The following IKZF3 variants were observed in gnomAD, a reference collection of about 807,000 sequenced individuals.
IKZF3 encodes the protein IKAROS family zinc finger 3.
Under a neutral mutation model 49.0 loss-of-function variants are expected in IKZF3, and 10 were observed. The ratio of observed to expected loss-of-function variants is 0.20; its 90% CI spans 0.13 to 0.35. IKZF3 has a LOEUF of 0.35. IKZF3 is among the 10% of genes least tolerant of loss of function. The probability of loss-of-function intolerance (pLI) is 1.00; values close to 1 mark genes in which losing one functional copy is unlikely to be tolerated. For synonymous variants in IKZF3, 209 were observed against 228.2 expected (o/e 0.92, Z 0.76); for missense variants, 498 against 664.8 (o/e 0.75, Z 2.76).
intron 7 of IKZF3, among the ~76,000 whole-genome samples, chr17:39,775,441 A>C (rs1244685109): frequency 6.6e-6 from 1 of 152,232 alleles, no homozygotes; most frequent in Non-Finnish European, 1.5e-5. Context: ...CCGAGGCAAC[A>C]GGCAAAATGG....
chr17:39,782,948 G>A (rs2060781435), intron 6 of IKZF3, among the ~76,000 whole-genome samples: 1 of 152,188 alleles, frequency 6.6e-6, no homozygotes, highest in African/African-American at 2.4e-5. Context: ...CACATTTACA[G>A]ATTAGGTTAC....
intron 1 of IKZF3, among the ~76,000 whole-genome samples, chr17:39,850,483 T>C (rs2062792262): frequency 7.9e-6 from 1 of 127,286 alleles, no homozygotes; most frequent in Admixed American, 8.9e-5. Context: ...ATATAATATA[T>C]AGCATATTAT....
intron 3 of IKZF3, among the ~76,000 whole-genome samples, chr17:39,828,241 T>A (rs946307583): frequency 3.3e-5 from 5 of 152,168 alleles, no homozygotes; most frequent in Non-Finnish European, 7.4e-5. Flanking sequence ...TCTGGCAAAA[T>A]TGGGGTTAAC....
chr17:39,863,015 C>T (rs2144616035), intron 1 of IKZF3, among the ~76,000 whole-genome samples: 1 of 152,098 alleles, frequency 6.6e-6, no homozygotes, highest in Non-Finnish European at 1.5e-5. Flanking sequence ...TTCATAAAAA[C>T]AAATTAATCA....
chr17:39,834,172 C>T (rs1327907658), intron 1 of IKZF3, among the ~76,000 whole-genome samples: 2 of 152,252 alleles, frequency 1.3e-5, no homozygotes, highest in South Asian at 4.1e-4. Context: ...TTTCTGTGGT[C>T]ATATGCTTTC....
intron 3 of IKZF3, among the ~76,000 whole-genome samples, chr17:39,800,692 A>G (rs1345225881): frequency 6.6e-6 from 1 of 152,206 alleles, no homozygotes; most frequent in Non-Finnish European, 1.5e-5. Flanking sequence ...TAGGCTGAAG[A>G]GAACAAAGGT....
intron 3 of IKZF3, among the ~76,000 whole-genome samples, chr17:39,826,472 C>T (rs1377671650): frequency 6.6e-6 from 1 of 152,202 alleles, no homozygotes; most frequent in Non-Finnish European, 1.5e-5. Flanking sequence ...GATGGAAGAA[C>T]TGAACAGTGA....
chr17:39,790,556 C>G (rs1201859975), intron 5 of IKZF3, among the ~76,000 whole-genome samples: 4 of 151,936 alleles, frequency 2.6e-5, no homozygotes, highest in African/African-American at 9.7e-5. Flanking sequence ...TAAAAACAAG[C>G]CTTTTTTTCC....
chr17:39,796,133 C>T (rs941023877), intron 3 of IKZF3, among the ~76,000 whole-genome samples: 1 of 152,148 alleles, frequency 6.6e-6, no homozygotes, highest in Non-Finnish European at 1.5e-5. Context: ...CCTCCAAACA[C>T]AGTCCACCAA....
Position 39,762,054 on chromosome 17 carries a change from G to C in IKZF3, c.*3736C>G, listed in dbSNP as rs953741956. The stretch of plus-strand genomic sequence containing the variant: ...CAGACCGTGGCCTCCTGGGTGTATG[G>C]TGGAAAGCCCGCCTGATAAGAGGCT... On this transcript the variant is annotated 3_prime_UTR_variant, in exon 8 of 8. Transcript: ENST00000346872. The C allele has an allele frequency of 6.6e-6, 1 of 152,384 alleles. No homozygotes were observed. Among genetic ancestry groups the C allele is most frequent in the Non-Finnish European group, 1.5e-5 (1 of 68,198 alleles). 9.4% of individuals were successfully genotyped at this position (152,384 alleles called of 1,614,324 possible).
intron 3 of IKZF3, among the ~76,000 whole-genome samples, chr17:39,794,487 A>G (rs1458487536): frequency 6.6e-6 from 1 of 152,182 alleles, no homozygotes; most frequent in Non-Finnish European, 1.5e-5. Context: ...CACTTCTATC[A>G]AGGTTACCTT....
intron 3 of IKZF3, among the ~76,000 whole-genome samples, chr17:39,810,263 A>G (rs1462921204): frequency 6.6e-6 from 1 of 152,222 alleles, no homozygotes; most frequent in Admixed American, 6.5e-5. Flanking sequence ...AAAATTATAT[A>G]TCTCTCTTAT....
chr17:39,789,167 C>T (rs947673398), intron 5 of IKZF3, among the ~76,000 whole-genome samples: 2 of 152,148 alleles, frequency 1.3e-5, no homozygotes, highest in African/African-American at 4.8e-5. Context: ...CAGTGGCTGA[C>T]ACCTGTAATC....
intron 5 of IKZF3, among the ~76,000 whole-genome samples, chr17:39,788,705 C>T (rs1323836880): frequency 2.0e-5 from 3 of 152,070 alleles, no homozygotes; most frequent in Non-Finnish European, 2.9e-5. Flanking sequence ...TTTTATTCTT[C>T]AAGGAGGTTA....
intron 1 of IKZF3, among the ~76,000 whole-genome samples, chr17:39,852,084 C>T (rs1053475335): frequency 7.9e-5 from 12 of 152,180 alleles, no homozygotes; most frequent in Admixed American, 7.9e-4. Flanking sequence ...ATTTCCCAAA[C>T]TTCCCTGCAA....
At chr17:39,808,139 C>T (rs2061475243) in intron 3 of IKZF3, among the ~76,000 whole-genome samples, 1 of 152,102 alleles carries the variant, frequency 6.6e-6, no homozygotes, top group Non-Finnish European at 1.5e-5. Flanking sequence ...GTTTAGCTAC[C>T]CATTCACCAA....
At chr17:39,840,462 G>T (rs1452885868) in intron 1 of IKZF3, among the ~76,000 whole-genome samples, 1 of 152,032 alleles carries the variant, frequency 6.6e-6, no homozygotes, top group Non-Finnish European at 1.5e-5. Flanking sequence ...ATTCTTATCC[G>T]TGGAAAGGTT....
intron 3 of IKZF3, among the ~76,000 whole-genome samples, chr17:39,825,979 A>G (rs1233799910): frequency 6.6e-6 from 1 of 152,220 alleles, no homozygotes; most frequent in Non-Finnish European, 1.5e-5. Flanking sequence ...GGATTCTATC[A>G]TCACTTAGAC....
chr17:39,849,522 G>T (rs1258551695), intron 1 of IKZF3, among the ~76,000 whole-genome samples: 1 of 152,124 alleles, frequency 6.6e-6, no homozygotes, highest in Non-Finnish European at 1.5e-5. Flanking sequence ...AGCCAGGTGG[G>T]GCGGTAGTCA....
Sources: gnomAD v4.1 joint callset for allele counts (sites outside exome capture counted in the v4.1 genomes callset) on GRCh38, gnomAD v4.1.1 for gene constraint, MANE v1.5 for transcripts, NCBI Gene and HGNC (gene_info 2026-07-23, HGNC 2026-07-21) for gene names.